Variants in KSR2 observed in about 807,000 individuals in gnomAD.
KSR2 encodes kinase suppressor of ras 2.
KSR2 carries 25 observed loss-of-function variants against 107.8 expected under a neutral mutation model. The observed-to-expected ratio is 0.23, with a 90% CI of 0.17 to 0.32. The LOEUF (loss-of-function observed/expected upper bound fraction) is 0.32. Among genes scored for constraint, KSR2 ranks in the 10% least tolerant of loss-of-function variants. The pLI is 1.00. For missense variants in KSR2, 887 were observed against 1,268.9 expected (o/e 0.70, Z 4.57); for synonymous variants, 480 against 507.0 (o/e 0.95, Z 0.71).
intron 9 of KSR2, among the ~76,000 whole-genome samples, chr12:117,541,171 C>A (rs1753725748): frequency 1.4e-5 from 2 of 140,928 alleles, no homozygotes; most frequent in East Asian, 2.1e-4. Context: ...TAGGGAGGAA[C>A]AGTAGCTGAT....
intron 14 of KSR2, among the ~76,000 whole-genome samples, chr12:117,502,213 G>A (rs1873419346): frequency 6.6e-6 from 1 of 152,260 alleles, no homozygotes; most frequent in Non-Finnish European, 1.5e-5. Flanking sequence ...GCATGCATGT[G>A]CATGACTGTA....
intron 1 of KSR2, among the ~76,000 whole-genome samples, chr12:117,872,003 T>C (rs150074847): frequency 2.4e-4 from 37 of 152,266 alleles, no homozygotes; most frequent in African/African-American, 8.2e-4. Context: ...AAGTTACAAA[T>C]CACTTGAAAA....
At chr12:117,761,581 T>G in intron 3 of KSR2, 57 bp from the exon 4 acceptor site, 1 of 1,545,158 alleles carries the variant, frequency 6.5e-7, no homozygotes, top group Non-Finnish European at 8.9e-7. Context: ...GCCAGGTGAG[T>G]TACACCATAC....
chr12:117,710,048 G>C (rs1356067409), intron 4 of KSR2, among the ~76,000 whole-genome samples: 1 of 152,204 alleles, frequency 6.6e-6, no homozygotes, highest in Non-Finnish European at 1.5e-5. Context: ...GATCTGGACA[G>C]GACCTTTGGC....
intron 7 of KSR2, among the ~76,000 whole-genome samples, chr12:117,574,110 G>A (rs541542688): frequency 6.6e-6 from 1 of 152,236 alleles, no homozygotes; most frequent in East Asian, 1.9e-4. Flanking sequence ...AGCATGGCCT[G>A]GGAACTTGAT....
At chr12:117,478,537 G>A (rs183871274) in intron 16 of KSR2, among the ~76,000 whole-genome samples, 13 of 152,038 alleles carry the variant, frequency 8.6e-5, no homozygotes, top group South Asian at 4.2e-4. Context: ...GGCCTCAAGC[G>A]ACCCTCCCAT....
At chr12:117,924,757 C>T (rs940745873) in intron 1 of KSR2, among the ~76,000 whole-genome samples, 1 of 152,002 alleles carries the variant, frequency 6.6e-6, no homozygotes, top group Non-Finnish European at 1.5e-5. Context: ...ACTTAAGAGA[C>T]ATATGAACCA....
At chr12:117,770,209 C>A (rs1336969226) in intron 3 of KSR2, among the ~76,000 whole-genome samples, 1 of 152,126 alleles carries the variant, frequency 6.6e-6, no homozygotes, top group Non-Finnish European at 1.5e-5. Context: ...CAGATACAAT[C>A]AAGTTAAGAT....
intron 3 of KSR2, among the ~76,000 whole-genome samples, chr12:117,799,488 G>A (rs1366051831): frequency 4.1e-5 from 6 of 146,794 alleles, no homozygotes; most frequent in South Asian, 2.1e-4. Context: ...GCAACAGAGC[G>A]AAGACTCCAC....
chr12:117,460,477 C>A lies in KSR2; in HGVS notation c.*6722G>T, dbSNP rs1296028435. 2 of 152,194 alleles carry A rather than the reference C, an allele frequency of 1.3e-5. No homozygotes were observed. Among genetic ancestry groups the A allele is most frequent in the Admixed American group, 1.3e-4 (2 of 15,292 alleles). 9.4% of individuals were successfully genotyped at this position (152,194 alleles called of 1,614,324 possible). On this transcript the variant is annotated 3_prime_UTR_variant, in exon 20 of 20. Transcript: ENST00000339824. ...AGGGACCCAGGAGGGACTCTGCCAA[C>A]CCAGATGTACATTTCCTGGAAATCC... is the stretch of plus-strand genomic sequence containing the variant.
intron 3 of KSR2, among the ~76,000 whole-genome samples, chr12:117,792,048 C>A (rs760673917): frequency 2.2e-4 from 34 of 152,014 alleles, no homozygotes; most frequent in Non-Finnish European, 2.9e-4. Flanking sequence ...TAAAGCATTG[C>A]GGTTTTGGCC....
rs538338587 is a variant in KSR2, at chr12:117,947,874, A to C, written c.180+20202T>G. ...AATGCTGATAAAAAAAGAAAAGAAG[A>C]CTTAAATAAATGGAGAGACATACCA... On this transcript the variant is annotated intron_variant, in intron 1 of 19. Transcript: ENST00000339824. 3.3e-5 allele frequency among the ~76,000 whole-genome samples: 5 copies of C among 152,224 alleles called. No individual in the cohort carries two copies. The South Asian group carries it at 1.0e-3, about 32-fold the overall frequency.
At chr12:117,779,213 AC>A (rs1311332652) in intron 3 of KSR2, among the ~76,000 whole-genome samples, 1 of 152,164 alleles carries the variant, frequency 6.6e-6, no homozygotes, top group Non-Finnish European at 1.5e-5. Context: ...ACGTCTATCA[AC>A]CTTTTTAACT....
At chr12:117,562,033 T>A (rs1325072173) in intron 7 of KSR2, among the ~76,000 whole-genome samples, 1 of 152,012 alleles carries the variant, frequency 6.6e-6, no homozygotes, top group Non-Finnish European at 1.5e-5. Context: ...GCAGATGTCA[T>A]AAGATCATGA....
In KSR2 at chr12:117,761,234, G is replaced by T; in HGVS notation, c.763C>A (p.Arg255=). ...HRSLPPSPRQ[R]HAVRTPPRTP... Reference sequence around the variant, plus strand: ...CGCGGCGGGGTGCGGACCGCGTGCCGCTGCCGGGGCGATGGGGGCAGGGAA... The same window carrying T: ...CGCGGCGGGGTGCGGACCGCGTGCCTCTGCCGGGGCGATGGGGGCAGGGAA... Residue 255 remains arginine, a synonymous_variant, in exon 4 of 20, where the codon CGG becomes AGG. Transcript: ENST00000339824. The T allele has an allele frequency of 6.5e-7, 1 of 1,540,834 alleles. No individual in the cohort carries two copies. Among genetic ancestry groups the T allele is most frequent in the Non-Finnish European group, 8.7e-7 (1 of 1,145,110 alleles).
intron 3 of KSR2, among the ~76,000 whole-genome samples, chr12:117,831,517 G>A (rs796414010): frequency 1.3e-5 from 2 of 152,310 alleles, no homozygotes; most frequent in African/African-American, 4.8e-5. Flanking sequence ...AAGTCAAGTT[G>A]AAAGCAAGGG....
intron 1 of KSR2, among the ~76,000 whole-genome samples, chr12:117,960,612 G>C (rs1165661710): frequency 6.6e-6 from 1 of 152,136 alleles, no homozygotes; most frequent in Non-Finnish European, 1.5e-5. Flanking sequence ...CCACAAGTGA[G>C]TCAGGCAAGA....
chr12:117,966,461 C>A (rs1896788822), intron 1 of KSR2, among the ~76,000 whole-genome samples: 1 of 152,100 alleles, frequency 6.6e-6, no homozygotes, highest in Non-Finnish European at 1.5e-5. Context: ...CCAGGAAAGG[C>A]AATACCTGTG....
chr12:117,576,385 G>T (rs1189120475), intron 7 of KSR2, among the ~76,000 whole-genome samples: 1 of 152,210 alleles, frequency 6.6e-6, no homozygotes, highest in Non-Finnish European at 1.5e-5. Flanking sequence ...CCAGCCTTGT[G>T]CCTTTTGTTG....
Sources: allele counts gnomAD v4.1 joint callset (sites outside exome capture counted in the v4.1 genomes callset), GRCh38; gene constraint gnomAD v4.1.1; transcripts MANE v1.5; gene names NCBI Gene and HGNC (gene_info 2026-07-23, HGNC 2026-07-21).